ANKDD1B: variants seen among roughly 807,000 people sequenced by gnomAD.
The protein encoded by ANKDD1B is ankyrin repeat and death domain containing 1B.
A neutral mutation model predicts 59.7 loss-of-function variants in ANKDD1B; 57 were observed. The observed-to-expected ratio is 0.95, with a 90% CI of 0.77 to 1.19. The LOEUF (loss-of-function observed/expected upper bound fraction) is 1.19. Among genes scored for constraint, ANKDD1B ranks in the 50% most tolerant of loss-of-function variants. The pLI, the probability that ANKDD1B is intolerant of heterozygous loss-of-function variation, is 0.00. For missense variants in ANKDD1B, 602 were observed against 641.9 expected, an observed-to-expected ratio of 0.94 and a Z score of 0.67; for synonymous variants, 216 against 239.5, an observed-to-expected ratio of 0.90 and a Z score of 0.91.
At chr5:75,670,266 T>A (rs2112042923) in intron 13 of ANKDD1B, among the ~76,000 whole-genome samples, 1 of 152,372 alleles carries the variant, frequency 6.6e-6, no homozygotes. Context: ...ATCACTCTAG[T>A]ATATTGACTT....
At chr5:75,666,760 G>C in intron 11 of ANKDD1B, 32 bp from the exon 12 acceptor site, 1 of 1,460,748 alleles carries the variant, frequency 6.8e-7, no homozygotes, top group Non-Finnish European at 9.3e-7. Context: ...GAACATGTCT[G>C]AAATCTTCTG....
rs1185302453 is a variant in ANKDD1B at position 75,611,470 on chromosome 5, C to T, written c.-165C>T. 1 of 470,974 alleles carries T rather than the reference C, an allele frequency of 2.1e-6. No individual in the cohort carries two copies. Among genetic ancestry groups the T allele is most frequent in the Non-Finnish European group, 3.4e-6 (1 of 293,684 alleles). The allele number at this position is 470,974 out of a possible 1,614,324, so 29.2% of individuals were successfully genotyped here. On this transcript the variant is annotated 5_prime_UTR_variant, in exon 1 of 14. Transcript: ENST00000601380. ...AGGGGCTTGTTGCCCAGCGAACCGC[C>T]ACAACAGAGAGCGGACTCGATCCTG... is the stretch of plus-strand genomic sequence containing the variant.
intron 13 of ANKDD1B, among the ~76,000 whole-genome samples, chr5:75,670,431 T>C (rs1775444670): frequency 6.6e-6 from 1 of 152,204 alleles, no homozygotes; most frequent in South Asian, 2.1e-4. Flanking sequence ...CAAACAATTG[T>C]TGGCCAAAGA....
intron 5 of ANKDD1B, among the ~76,000 whole-genome samples, chr5:75,633,668 T>C (rs1774225058): frequency 6.6e-6 from 1 of 152,236 alleles, no homozygotes; most frequent in South Asian, 2.1e-4. Flanking sequence ...AACTTCCTTT[T>C]CCTTATTTTA....
chr5:75,636,313 G>A (rs886287654), intron 7 of ANKDD1B, among the ~76,000 whole-genome samples: 25 of 152,160 alleles, frequency 1.6e-4, no homozygotes, highest in Non-Finnish European at 2.9e-4. Flanking sequence ...AATGAACGTT[G>A]GCAGGAGGGA....
At chr5:75,615,567 T>C (rs140933266) in intron 1 of ANKDD1B, among the ~76,000 whole-genome samples, 1 of 152,196 alleles carries the variant, frequency 6.6e-6, no homozygotes, top group East Asian at 1.9e-4. Flanking sequence ...TTCTGGAGGC[T>C]ACAAGTCCAA....
At chr5:75,614,425 G>A (rs1773661645) in intron 1 of ANKDD1B, among the ~76,000 whole-genome samples, 1 of 151,896 alleles carries the variant, frequency 6.6e-6, no homozygotes, top group African/African-American at 2.4e-5. Flanking sequence ...GTCTGTCAAG[G>A]CTTTTCACTA....
At position 75,620,393 on chromosome 5, in the gene ANKDD1B, AGGGTGGATGTT is replaced by A. The variant is rs1773815593; in HGVS notation, c.378_388del (p.Arg126SerfsTer2). 2 of 1,533,656 alleles carry A rather than the reference AGGGTGGATGTT, an allele frequency of 1.3e-6. No individual in the cohort carries two copies. The highest frequency in any genetic ancestry group is 3.9e-5 in the Admixed American group (2 of 50,926). ...GGATTTCTTGCTTAAACACAAGGCC[AGGGTGGATGTT>A]GCTGATAAGGTAAGCTCATCTTGAG... On this transcript the variant is annotated frameshift_variant, in exon 3 of 14. Transcript: ENST00000601380. LOFTEE classifies it high-confidence loss of function.
chr5:75,616,050 CCT>C (rs1046659530), intron 1 of ANKDD1B, among the ~76,000 whole-genome samples: 15 of 152,126 alleles, frequency 9.9e-5, no homozygotes, highest in African/African-American at 3.6e-4. Context: ...TCTACAGAAA[CCT>C]CTCTTACGGT....
At chr5:75,632,570 CTAT>C (rs1267546377) in intron 5 of ANKDD1B, among the ~76,000 whole-genome samples, 1 of 152,180 alleles carries the variant, frequency 6.6e-6, no homozygotes, top group Non-Finnish European at 1.5e-5. Flanking sequence ...AGGCAGGAGC[CTAT>C]AATTAACAGC....
chr5:75,646,958 C>G (rs1358465533), intron 7 of ANKDD1B, among the ~76,000 whole-genome samples: 1 of 32,130 alleles, frequency 3.1e-5, no homozygotes, highest in Non-Finnish European at 5.0e-5. Flanking sequence ...ATATCTACAA[C>G]TATCTGATCT....
chr5:75,639,189 CTGTT>C (rs1296898604), intron 7 of ANKDD1B, among the ~76,000 whole-genome samples: 4 of 152,004 alleles, frequency 2.6e-5, no homozygotes, highest in South Asian at 2.1e-4. Flanking sequence ...AATGCCTTTT[CTGTT>C]TGTTTGTTTG....
intron 1 of ANKDD1B, among the ~76,000 whole-genome samples, chr5:75,612,200 C>A (rs1057361205): frequency 6.6e-6 from 1 of 152,172 alleles, no homozygotes; most frequent in Non-Finnish European, 1.5e-5. Context: ...CTTAATCTTT[C>A]TGCACTTAAG....
intron 1 of ANKDD1B, among the ~76,000 whole-genome samples, chr5:75,615,705 C>T (rs1773699081): frequency 7.2e-6 from 1 of 138,708 alleles, no homozygotes; most frequent in African/African-American, 3.0e-5. Flanking sequence ...TGTGTGTGTC[C>T]TAATCTCTCT....
intron 7 of ANKDD1B, among the ~76,000 whole-genome samples, chr5:75,638,626 T>G (rs1038429658): frequency 6.6e-6 from 1 of 152,182 alleles, no homozygotes; most frequent in African/African-American, 2.4e-5. Context: ...CAGTTTTGTA[T>G]TTTCTCTAAA....
intron 8 of ANKDD1B, among the ~76,000 whole-genome samples, chr5:75,653,495 G>T (rs899549675): frequency 1.3e-5 from 2 of 152,064 alleles, no homozygotes; most frequent in African/African-American, 4.8e-5. Context: ...TGTATTTGCC[G>T]CAAAAAAGCT....
intron 7 of ANKDD1B, among the ~76,000 whole-genome samples, chr5:75,636,881 T>C (rs1203430936): frequency 6.6e-6 from 1 of 151,762 alleles, no homozygotes; most frequent in African/African-American, 2.4e-5. Flanking sequence ...AGGTAGGTAA[T>C]GAGGGCTTGA....
chr5:75,656,054 T>TCCCC lies in ANKDD1B; in HGVS notation c.923_924insCCCC (p.Val309ProfsTer19), dbSNP rs1226544567. ...CCTAAGGAGTCCCCTCTTCATTTAGTTGTTATCAACAACCACATCACGGTT... is the reference window on the plus strand; with the variant it reads ...CCTAAGGAGTCCCCTCTTCATTTAGTCCCCTGTTATCAACAACCACATCACGGTT... On this transcript the variant is annotated frameshift_variant, in exon 9 of 14. Transcript: ENST00000601380. LOFTEE classifies it high-confidence loss of function. 1 of 1,516,328 alleles carries TCCCC rather than the reference T, an allele frequency of 6.6e-7. No homozygotes were observed. The highest frequency in any genetic ancestry group is 1.4e-5 in the African/African-American group (1 of 72,674). The allele number at this position is 1,516,328 out of a possible 1,614,324, so 93.9% of individuals were successfully genotyped here. A position where few individuals can be genotyped will look rare whatever the true frequency, so the allele number is the denominator to read the frequency against.
rs1375008184 is a variant in ANKDD1B at position 75,635,300 on chromosome 5, C to T, written c.699+304C>T. On this transcript the variant is annotated intron_variant, in intron 6 of 13. Coordinates refer to ENST00000601380, the MANE Select transcript of ANKDD1B (RefSeq NM_001276713.2). ...CCCATGAGGTCTCCTGGAGGCTCAG[C>T]CTTATATGAAAGGGGAGGGGAAAAC... 1.6e-5 allele frequency: 4 copies of T among 251,186 alleles called. No individual in the cohort carries two copies. In the East Asian group the frequency reaches 2.3e-4, roughly 14 times the overall value. The allele number at this position is 251,186 out of a possible 1,614,324, so 15.6% of individuals were successfully genotyped here.
Sources: allele counts gnomAD v4.1 joint callset (sites outside exome capture counted in the v4.1 genomes callset), GRCh38; gene constraint gnomAD v4.1.1; transcripts MANE v1.5; gene names NCBI Gene and HGNC (gene_info 2026-07-23, HGNC 2026-07-21).